The following IL1RAPL1 variants were observed in gnomAD, a reference collection of about 807,000 sequenced individuals.
IL1RAPL1 encodes interleukin 1 receptor accessory protein like 1.
In IL1RAPL1, 3 loss-of-function variants were observed where a neutral mutation model predicts 48.4. The ratio of observed to expected loss-of-function variants is 0.06; its 90% CI spans 0.03 to 0.16. IL1RAPL1 has a LOEUF of 0.16. Ranked by LOEUF, IL1RAPL1 falls within the 10% of genes least tolerant of loss-of-function variation. IL1RAPL1 has a pLI of 1.00. For missense variants in IL1RAPL1, 349 were observed against 530.6 expected, an observed-to-expected ratio of 0.66 and a Z score of 3.36; for synonymous variants, 185 against 187.7, an observed-to-expected ratio of 0.99 and a Z score of 0.12.
At chrX:28,692,681 G>A (rs1341033829) in intron 1 of IL1RAPL1, among the ~76,000 whole-genome samples, 1 of 111,898 alleles carries the variant, frequency 8.9e-6, no homozygotes, top group East Asian at 2.8e-4. Context: ...GTGTTCATAT[G>A]TAATGTTTGA....
At chrX:29,808,290 G>A (rs1930301501) in intron 6 of IL1RAPL1, among the ~76,000 whole-genome samples, 1 of 111,669 alleles carries the variant, frequency 9.0e-6, no homozygotes, top group South Asian at 3.7e-4. Context: ...ATGCTTAATG[G>A]TAATTTTTTT....
At chrX:28,660,393 G>A (rs958593514) in intron 1 of IL1RAPL1, among the ~76,000 whole-genome samples, 3 of 110,483 alleles carry the variant, frequency 2.7e-5, no homozygotes, top group Non-Finnish European at 3.8e-5. Flanking sequence ...AATTAAATAT[G>A]TAGATATTTA....
At chrX:29,281,202 T>C (rs967971446) in intron 2 of IL1RAPL1, among the ~76,000 whole-genome samples, 2 of 111,513 alleles carry the variant, frequency 1.8e-5, no homozygotes, top group Non-Finnish European at 3.8e-5. Context: ...CTGCTTGCAA[T>C]ATTCAAATGT....
At chrX:29,615,094 A>G (rs1924244973) in intron 5 of IL1RAPL1, among the ~76,000 whole-genome samples, 1 of 112,505 alleles carries the variant, frequency 8.9e-6, no homozygotes, top group African/African-American at 3.2e-5. Context: ...ACTACCTCCA[A>G]CAACCTAAAG....
intron 2 of IL1RAPL1, among the ~76,000 whole-genome samples, chrX:29,259,516 A>C (rs1013880344): frequency 1.8e-5 from 2 of 111,356 alleles, no homozygotes; most frequent in African/African-American, 6.5e-5. Flanking sequence ...CAGAGTTCAA[A>C]TTTCTTAAAT....
chrX:28,889,184 A>G (rs1922713621), intron 2 of IL1RAPL1, among the ~76,000 whole-genome samples: 1 of 111,723 alleles, frequency 9.0e-6, no homozygotes, highest in Non-Finnish European at 1.9e-5. Flanking sequence ...TACTAAGAAT[A>G]TAATATTAGG....
intron 2 of IL1RAPL1, among the ~76,000 whole-genome samples, chrX:29,156,517 T>C (rs1053377912): frequency 3.6e-5 from 4 of 111,982 alleles, no homozygotes; most frequent in Admixed American, 9.5e-5. Flanking sequence ...TGGGTAGTTA[T>C]CTTTAGCGAT....
At chrX:29,355,096 C>G (rs1264730198) in intron 3 of IL1RAPL1, among the ~76,000 whole-genome samples, 1 of 111,873 alleles carries the variant, frequency 8.9e-6, no homozygotes. Context: ...TAATAAGACT[C>G]CAGTCTTCTT....
At chrX:29,075,738 G>C (rs961843079) in intron 2 of IL1RAPL1, among the ~76,000 whole-genome samples, 1 of 111,070 alleles carries the variant, frequency 9.0e-6, no homozygotes, top group Non-Finnish European at 1.9e-5. Flanking sequence ...TGGTCATTTT[G>C]AAATATGTGA....
intron 6 of IL1RAPL1, among the ~76,000 whole-genome samples, chrX:29,764,517 A>T (rs1277066979): frequency 8.9e-6 from 1 of 111,781 alleles, no homozygotes; most frequent in Non-Finnish European, 1.9e-5. Context: ...TGAATTGTTC[A>T]TATCAGGAGT....
At chrX:29,432,135 A>G (rs893310938) in intron 5 of IL1RAPL1, among the ~76,000 whole-genome samples, 3 of 111,517 alleles carry the variant, frequency 2.7e-5, no homozygotes, top group Admixed American at 9.6e-5. Flanking sequence ...CTTATTGACC[A>G]GAAAGCCTTA....
intron 1 of IL1RAPL1, among the ~76,000 whole-genome samples, chrX:28,678,228 T>C (rs956033885): frequency 3.2e-4 from 36 of 111,464 alleles, no homozygotes; most frequent in African/African-American, 1.1e-3. Context: ...TTTATTCCGA[T>C]GGCTATCAAG....
chrX:28,871,122 G>A (rs1601939040), intron 2 of IL1RAPL1, among the ~76,000 whole-genome samples: 1 of 111,938 alleles, frequency 8.9e-6, no homozygotes, highest in South Asian at 3.7e-4. Context: ...ACATATACAA[G>A]TATGAAAGGA....
chrX:28,771,871 C>T (rs1381764432), intron 1 of IL1RAPL1, among the ~76,000 whole-genome samples: 1 of 93,994 alleles, frequency 1.1e-5, no homozygotes, highest in Non-Finnish European at 2.0e-5. Context: ...GCGGAGCTTG[C>T]AGTGAGCCGA....
chrX:28,961,878 A>T (rs779303637), intron 2 of IL1RAPL1, among the ~76,000 whole-genome samples: 1 of 111,808 alleles, frequency 8.9e-6, no homozygotes, highest in East Asian at 2.8e-4. Context: ...ATAAATAGAT[A>T]CCATTTAATT....
intron 5 of IL1RAPL1, among the ~76,000 whole-genome samples, chrX:29,457,829 C>A (rs751102569): frequency 1.8e-5 from 2 of 112,705 alleles, no homozygotes; most frequent in Admixed American, 9.4e-5. Flanking sequence ...TATAAACATT[C>A]TCTTTTCTCC....
intron 2 of IL1RAPL1, among the ~76,000 whole-genome samples, chrX:29,039,592 C>G (rs1403040925): frequency 9.0e-6 from 1 of 110,587 alleles, no homozygotes; most frequent in Non-Finnish European, 1.9e-5. Context: ...CAGCTCACTT[C>G]AGCCTGTTTC....
At chrX:29,741,236 A>AT (rs1239377798) in intron 6 of IL1RAPL1, among the ~76,000 whole-genome samples, 2 of 112,126 alleles carry the variant, frequency 1.8e-5, no homozygotes, top group African/African-American at 6.5e-5. Flanking sequence ...CAAAATTAAA[A>AT]TTAAAATTCC....
At chrX:29,021,635 A>G (rs1926371695) in intron 2 of IL1RAPL1, among the ~76,000 whole-genome samples, 1 of 112,000 alleles carries the variant, frequency 8.9e-6, no homozygotes, top group South Asian at 3.7e-4. Context: ...TCCCTTTGCT[A>G]CTTTCTGCTT....
Sources: allele counts gnomAD v4.1 joint callset (sites outside exome capture counted in the v4.1 genomes callset), GRCh38; gene constraint gnomAD v4.1.1; transcripts MANE v1.5; gene names NCBI Gene and HGNC (gene_info 2026-07-23, HGNC 2026-07-21).